Variants in SPAG16 observed in about 807,000 individuals in gnomAD.
SPAG16 encodes sperm associated antigen 16.
Under a neutral mutation model 80.4 loss-of-function variants are expected in SPAG16, and 86 were observed. The observed-to-expected ratio is 1.07, with a 90% CI of 0.90 to 1.28. The LOEUF (loss-of-function observed/expected upper bound fraction) is 1.28, where lower values mean the gene tolerates loss of function less well. Among genes scored for constraint, SPAG16 ranks in the 50% most tolerant of loss-of-function variants. The pLI, the probability that SPAG16 is intolerant of heterozygous loss-of-function variation, is 0.00. For missense variants in SPAG16, 870 were observed against 765.3 expected (o/e 1.14, Z -1.61); for synonymous variants, 294 against 265.9 (o/e 1.11, Z -1.03).
intron 15 of SPAG16, among the ~76,000 whole-genome samples, chr2:214,227,702 ATGTGTGTGTGTG>A (rs3044944): frequency 4.0e-4 from 58 of 145,760 alleles, no homozygotes; most frequent in East Asian, 2.0e-3. Context: ...TGGAAGGTGT[ATGTGTGTGTGTG>A]TGTGTGTGTG....
intron 15 of SPAG16, among the ~76,000 whole-genome samples, chr2:214,192,400 C>T (rs563381462): frequency 1.1e-4 from 17 of 152,004 alleles, no homozygotes; most frequent in South Asian, 4.2e-4. Context: ...CCTGGTGAAA[C>T]TCTTTATTTT....
intron 15 of SPAG16, among the ~76,000 whole-genome samples, chr2:214,347,556 C>T (rs1276938314): frequency 6.6e-6 from 1 of 152,102 alleles, no homozygotes; most frequent in African/African-American, 2.4e-5. Context: ...TCATAGATCA[C>T]CTCAGTTAAA....
chr2:213,702,306 G>A (rs2065474739), intron 10 of SPAG16, among the ~76,000 whole-genome samples: 1 of 152,234 alleles, frequency 6.6e-6, no homozygotes. Flanking sequence ...CGAGCCAGCT[G>A]CGGCAACCCG....
chr2:214,090,271 CTT>C (rs961320698), intron 13 of SPAG16, among the ~76,000 whole-genome samples: 4 of 151,898 alleles, frequency 2.6e-5, no homozygotes, highest in African/African-American at 7.2e-5. Flanking sequence ...ATAAGAAAGA[CTT>C]TTAAAATAAA....
intron 15 of SPAG16, among the ~76,000 whole-genome samples, chr2:214,182,600 T>C (rs1320251224): frequency 6.6e-6 from 1 of 151,942 alleles, no homozygotes; most frequent in Non-Finnish European, 1.5e-5. Context: ...GTTTCTTTGT[T>C]TACCTTTAAT....
rs548615381 is a variant in SPAG16 at position 213,357,804 on chromosome 2, G to A, written c.763-6272G>A. On this transcript the variant is annotated intron_variant, in intron 7 of 15. Coordinates refer to ENST00000331683, the MANE Select transcript of SPAG16 (RefSeq NM_024532.5). Reference sequence around the variant, plus strand: ...GTGAATTCAATCCTGTCATTATGATGTTCGCTGGTTATTTTGCCCATTAAT... The same window carrying A: ...GTGAATTCAATCCTGTCATTATGATATTCGCTGGTTATTTTGCCCATTAAT... Among the ~76,000 whole-genome samples the A allele has an allele frequency of 5.9e-5, 9 of 152,160 alleles. 1 individual carries two copies. The highest frequency in any genetic ancestry group is 7.4e-5 in the Non-Finnish European group (5 of 68,026).
At chr2:214,396,993 G>A (rs1450708474) in intron 15 of SPAG16, among the ~76,000 whole-genome samples, 1 of 151,602 alleles carries the variant, frequency 6.6e-6, no homozygotes, top group Non-Finnish European at 1.5e-5. Flanking sequence ...TAATTTTAGA[G>A]TTTATAAAAA....
intron 10 of SPAG16, among the ~76,000 whole-genome samples, chr2:213,520,274 A>G (rs6744533): frequency 0.43 from 66,009 of 151,850 alleles, 15,178 homozygotes; most frequent in African/African-American, 0.57. Flanking sequence ...TTTCAGACTT[A>G]TGGCCTCCAG....
At chr2:213,692,506 G>GT (rs1259224610) in intron 10 of SPAG16, among the ~76,000 whole-genome samples, 2 of 152,086 alleles carry the variant, frequency 1.3e-5, no homozygotes, top group Non-Finnish European at 2.9e-5. Context: ...ATGCCTTACT[G>GT]TTTCCTTAAA....
chr2:214,119,939 A>C (rs1296674666), intron 14 of SPAG16, among the ~76,000 whole-genome samples: 1 of 151,862 alleles, frequency 6.6e-6, no homozygotes. Context: ...ATAAGGTTGG[A>C]TCTTTCTCAT....
Position 213,608,915 on chromosome 2 carries a change from C to T in SPAG16, c.1070+118825C>T, listed in dbSNP as rs140553959. Among the ~76,000 whole-genome samples, 651 of 152,320 alleles carry T rather than the reference C, an allele frequency of 4.3e-3. 4 individuals are homozygous for T. The highest frequency in any genetic ancestry group is 0.014 in the African/African-American group (600 of 41,574). On this transcript the variant is annotated intron_variant, in intron 10 of 15. Transcript: ENST00000331683. ...AGCCGGGATGGTCTCGATCTCCTGA[C>T]CTTGTGATCTGCCCGCCTCGGCCTC...
At chr2:214,357,338 ATATCT>A (rs560536348) in intron 15 of SPAG16, among the ~76,000 whole-genome samples, 27 of 152,068 alleles carry the variant, frequency 1.8e-4, no homozygotes, top group African/African-American at 6.3e-4. Flanking sequence ...CCAATGAGAA[ATATCT>A]TATACCACTT....
At chr2:214,388,517 C>T (rs1700887038) in intron 15 of SPAG16, among the ~76,000 whole-genome samples, 1 of 152,164 alleles carries the variant, frequency 6.6e-6, no homozygotes, top group Non-Finnish European at 1.5e-5. Flanking sequence ...AATGAAAACT[C>T]TGGAATAATG....
chr2:213,365,715 C>T (rs2066243760), intron 8 of SPAG16, among the ~76,000 whole-genome samples: 1 of 151,890 alleles, frequency 6.6e-6, no homozygotes, highest in Non-Finnish European at 1.5e-5. Flanking sequence ...GCCTCAGCCT[C>T]CCAACATGCT....
chr2:214,232,997 T>G (rs1000183234), intron 15 of SPAG16, among the ~76,000 whole-genome samples: 1 of 152,072 alleles, frequency 6.6e-6, no homozygotes, highest in African/African-American at 2.4e-5. Context: ...AAATAAAATG[T>G]GCAGTGAAAG....
intron 15 of SPAG16, among the ~76,000 whole-genome samples, chr2:214,386,348 A>G (rs1700750166): frequency 6.6e-6 from 1 of 152,188 alleles, no homozygotes; most frequent in African/African-American, 2.4e-5. Flanking sequence ...ACAGTGAGCC[A>G]AGATCACACC....
chr2:213,308,357 C>T (rs1235654000), intron 3 of SPAG16, among the ~76,000 whole-genome samples: 1 of 152,038 alleles, frequency 6.6e-6, no homozygotes, highest in Non-Finnish European at 1.5e-5. Flanking sequence ...GATGTTCTGT[C>T]AGAATACTAC....
intron 13 of SPAG16, among the ~76,000 whole-genome samples, chr2:214,035,675 C>T (rs1358106691): frequency 3.3e-5 from 5 of 152,198 alleles, no homozygotes; most frequent in Non-Finnish European, 4.4e-5. Flanking sequence ...GGCGGGGGTC[C>T]TTCCTGTGCC....
In SPAG16 at chr2:213,976,135, T is replaced by TATATATATAC. The variant is rs749957411; in HGVS notation, c.1401-37815_1401-37814insTATATATACA. The stretch of plus-strand genomic sequence containing the variant: ...ATATATATATATATATATATATATA[T>TATATATATAC]ACACACACACACACACACACGTATG... On this transcript the variant is annotated intron_variant, in intron 12 of 15. Coordinates refer to ENST00000331683, the MANE Select transcript of SPAG16 (RefSeq NM_024532.5). Among the ~76,000 whole-genome samples, 689 of 81,306 alleles carry TATATATATAC rather than the reference T, an allele frequency of 8.5e-3. 10 individuals carry two copies. The highest frequency in any genetic ancestry group is 0.024 in the African/African-American group (638 of 26,342). 53.3% of individuals were successfully genotyped at this position (81,306 alleles called of 152,430 possible).
Sources: allele counts gnomAD v4.1 joint callset (sites outside exome capture counted in the v4.1 genomes callset), GRCh38; gene constraint gnomAD v4.1.1; transcripts MANE v1.5; gene names NCBI Gene and HGNC (gene_info 2026-07-23, HGNC 2026-07-21).